FRYL: variants seen among roughly 807,000 people sequenced by gnomAD.
FRYL encodes the protein protein furry homolog-like.
In FRYL, 150 loss-of-function variants were observed where a neutral mutation model predicts 351.2. The ratio of observed to expected loss-of-function variants is 0.43; its 90% CI spans 0.37 to 0.49. The LOEUF is 0.49. Among genes scored for constraint, FRYL ranks in the 20% least tolerant of loss-of-function variants. The probability of loss-of-function intolerance (pLI) is 0.00; values close to 1 mark genes in which losing one functional copy is unlikely to be tolerated. For synonymous variants in FRYL, 1,153 were observed against 1,257.1 expected (o/e 0.92, Z 1.75); for missense variants, 3,036 against 3,619.3 (o/e 0.84, Z 4.13).
intron 44 of FRYL, 136 bp from the exon 45 acceptor site, chr4:48,542,257 C>T: frequency 1.5e-6 from 1 of 657,642 alleles, no homozygotes; most frequent in Admixed American, 2.7e-5. Context: ...GCAACATGAT[C>T]TTGCTGATTG....
chr4:48,697,321 A>G (rs1390169419), intron 2 of FRYL, among the ~76,000 whole-genome samples: 1 of 152,150 alleles, frequency 6.6e-6, no homozygotes, highest in African/African-American at 2.4e-5. Flanking sequence ...TTTTACCAAA[A>G]TTAATATAAT....
chr4:48,510,525 G>C (rs1393954918), intron 58 of FRYL, among the ~76,000 whole-genome samples: 1 of 152,062 alleles, frequency 6.6e-6, no homozygotes, highest in Non-Finnish European at 1.5e-5. Context: ...GGTATTTCAC[G>C]GGTGGAGGTT....
intron 3 of FRYL, among the ~76,000 whole-genome samples, chr4:48,667,608 AAATAGAACTAAGTAT>A (rs891805991): frequency 6.6e-6 from 1 of 152,180 alleles, no homozygotes; most frequent in Admixed American, 6.5e-5. Flanking sequence ...GGGTTACAGA[AAATAGAACTAAGTAT>A]AATATTGGAC....
intron 3 of FRYL, among the ~76,000 whole-genome samples, chr4:48,683,787 C>G (rs539428199): frequency 3.0e-4 from 45 of 152,246 alleles, no homozygotes; most frequent in Non-Finnish European, 2.6e-4. Context: ...CAGTCTATTC[C>G]CCACAAACAG....
intron 3 of FRYL, among the ~76,000 whole-genome samples, chr4:48,675,685 G>A (rs542165306): frequency 2.0e-5 from 3 of 152,310 alleles, no homozygotes; most frequent in South Asian, 2.1e-4. Flanking sequence ...CCTGCTCCAC[G>A]GTGCCCAGTC....
intron 26 of FRYL, among the ~76,000 whole-genome samples, chr4:48,572,871 T>C (rs1320252499): frequency 1.3e-5 from 2 of 152,192 alleles, no homozygotes; most frequent in Non-Finnish European, 2.9e-5. Context: ...AACGCTTTCA[T>C]GCTACAAAGG....
intron 27 of FRYL, among the ~76,000 whole-genome samples, chr4:48,569,647 T>C (rs1033277415): frequency 6.6e-6 from 1 of 152,150 alleles, no homozygotes; most frequent in Non-Finnish European, 1.5e-5. Flanking sequence ...AGTAAATCAA[T>C]GGTTTAAATA....
intron 1 of FRYL, among the ~76,000 whole-genome samples, chr4:48,778,136 T>C (rs1776222148): frequency 6.6e-6 from 1 of 152,222 alleles, no homozygotes; most frequent in African/African-American, 2.4e-5. Flanking sequence ...AATTTGTTTT[T>C]GTGTGTCTTT....
chr4:48,649,957 A>G (rs763595049), intron 3 of FRYL, among the ~76,000 whole-genome samples: 2 of 152,218 alleles, frequency 1.3e-5, no homozygotes, highest in African/African-American at 2.4e-5. Context: ...GTTCGAAGAC[A>G]CAACCCATAG....
intron 54 of FRYL, among the ~76,000 whole-genome samples, chr4:48,521,807 G>A (rs1724972622): frequency 6.6e-6 from 1 of 152,120 alleles, no homozygotes; most frequent in African/African-American, 2.4e-5. Context: ...AAATGGGAGA[G>A]GGGCAGTTAG....
chr4:48,546,958 T>G (rs1263549195), intron 41 of FRYL, among the ~76,000 whole-genome samples: 1 of 147,114 alleles, frequency 6.8e-6, no homozygotes. Flanking sequence ...ATGAACCCTG[T>G]ATCTGACACT....
intron 5 of FRYL, 53 bp downstream of exon 5, chr4:48,623,073 T>C: frequency 1.8e-6 from 2 of 1,104,114 alleles, no homozygotes; most frequent in Admixed American, 2.2e-5. Context: ...GCCAGACTAT[T>C]AGGATGAACA....
intron 2 of FRYL, among the ~76,000 whole-genome samples, chr4:48,692,847 T>C (rs1004286601): frequency 1.3e-5 from 2 of 152,176 alleles, no homozygotes; most frequent in Admixed American, 6.5e-5. Flanking sequence ...CTATTATCTA[T>C]AAAAATAAAA....
intron 3 of FRYL, among the ~76,000 whole-genome samples, chr4:48,672,951 C>A (rs986431288): frequency 2.0e-5 from 3 of 152,168 alleles, no homozygotes; most frequent in African/African-American, 7.2e-5. Flanking sequence ...CAACTGAGAG[C>A]AATGGTTCTA....
intron 41 of FRYL, chr4:48,546,580 C>T (rs1049736883): frequency 4.1e-5 from 12 of 293,570 alleles, no homozygotes; most frequent in Admixed American, 1.4e-4. Flanking sequence ...TTGTCAACAT[C>T]GCTTGTCAGT....
intron 3 of FRYL, among the ~76,000 whole-genome samples, chr4:48,664,915 G>C (rs557671238): frequency 6.6e-6 from 1 of 152,158 alleles, no homozygotes; most frequent in East Asian, 1.9e-4. Flanking sequence ...AAATAGAAAG[G>C]TTTCAGGTCA....
intron 59 of FRYL, 39 bp downstream of exon 59, chr4:48,510,020 G>T: frequency 7.1e-7 from 1 of 1,405,052 alleles, no homozygotes; most frequent in South Asian, 1.2e-5. Flanking sequence ...CCAGTGTCAA[G>T]AGCAAACCAC....
chr4:48,771,745 C>T (rs1775532569), intron 1 of FRYL, among the ~76,000 whole-genome samples: 1 of 148,856 alleles, frequency 6.7e-6, no homozygotes, highest in African/African-American at 2.5e-5. Flanking sequence ...GCTCCATGCA[C>T]AGAAAGTCTT....
intron 3 of FRYL, chr4:48,680,915 A>G (rs750007691): frequency 1.2e-4 from 136 of 1,089,730 alleles, no homozygotes; most frequent in Non-Finnish European, 1.5e-4. Context: ...GCAAAGAAAT[A>G]CGTTTTTACT....
Sources: allele counts gnomAD v4.1 joint callset (sites outside exome capture counted in the v4.1 genomes callset), GRCh38; gene constraint gnomAD v4.1.1; transcripts MANE v1.5; gene names NCBI Gene and HGNC (gene_info 2026-07-23, HGNC 2026-07-21).